ANKS6: variants seen among roughly 807,000 people sequenced by gnomAD.
ANKS6 encodes the protein ankyrin repeat and sterile alpha motif domain containing 6.
Under a neutral mutation model 77.9 loss-of-function variants are expected in ANKS6, and 47 were observed. That is an observed-to-expected ratio of 0.60 (90% CI 0.48 to 0.77). The LOEUF is 0.77. Ranked by LOEUF, ANKS6 falls within the 30% of genes least tolerant of loss-of-function variation. The pLI is 0.00. For synonymous variants in ANKS6, 488 were observed against 501.7 expected, an observed-to-expected ratio of 0.97 and a Z score of 0.37; for missense variants, 1,150 against 1,159.1, an observed-to-expected ratio of 0.99 and a Z score of 0.11.
intron 10 of ANKS6, among the ~76,000 whole-genome samples, chr9:98,769,028 G>A (rs1328423170): frequency 3.0e-5 from 4 of 131,900 alleles, no homozygotes; most frequent in African/African-American, 5.9e-5. Flanking sequence ...TTGGGAGGCT[G>A]AGGGAGGAGG....
rs141395265 is a variant in ANKS6 at position 98,785,960 on chromosome 9, T to C, written c.863-1084A>G. 3.1e-4 allele frequency among the ~76,000 whole-genome samples: 47 copies of C among 152,302 alleles called. No individual in the cohort carries two copies. In the East Asian group the frequency reaches 8.7e-3, roughly 28 times the overall value. On this transcript the variant is annotated intron_variant, in intron 2 of 14. Coordinates refer to ENST00000353234, the MANE Select transcript of ANKS6 (RefSeq NM_173551.5). The stretch of plus-strand genomic sequence containing the variant: ...CCATTCAAAGAGCAATTACTTTCTT[T>C]AGCAACCAGCAAGGTAAACCCCAGA...
At chr9:98,750,805 A>G (rs1832387912) in intron 13 of ANKS6, among the ~76,000 whole-genome samples, 2 of 152,198 alleles carry the variant, frequency 1.3e-5, no homozygotes, top group Admixed American at 6.5e-5. Context: ...TTCTAGAGAG[A>G]GCAGTGCTCA....
At chr9:98,783,438 G>A (rs975480381) in intron 4 of ANKS6, 3 of 152,268 alleles carry the variant, frequency 2.0e-5, no homozygotes, top group African/African-American at 7.2e-5. Flanking sequence ...AGGCCTCCAG[G>A]AGGATGACAG....
chr9:98,732,289 G>C lies in ANKS6; in HGVS notation c.*4230C>G. On this transcript the variant is annotated 3_prime_UTR_variant, in exon 15 of 15. Transcript: ENST00000353234. ...CCGGCCTGGCCCATGTCTTCAGGCA[G>C]CTCTGAGGCAAGAATAAAAGGGACG... 1 of 622,944 alleles carries C rather than the reference G, an allele frequency of 1.6e-6. No homozygotes were observed. Among genetic ancestry groups the C allele is most frequent in the Non-Finnish European group, 2.8e-6 (1 of 362,200 alleles). 38.6% of individuals were successfully genotyped at this position (622,944 alleles called of 1,614,324 possible).
chr9:98,786,390 C>G (rs1323689016), intron 2 of ANKS6, among the ~76,000 whole-genome samples: 1 of 151,502 alleles, frequency 6.6e-6, no homozygotes, highest in Non-Finnish European at 1.5e-5. Context: ...CTCCCGGGTT[C>G]AAGCGATTCT....
intron 13 of ANKS6, among the ~76,000 whole-genome samples, chr9:98,750,796 TCTAGAGAGA>T (rs1247353195): frequency 5.3e-5 from 8 of 152,260 alleles, no homozygotes; most frequent in South Asian, 2.1e-4. Flanking sequence ...AAGAAACTTT[TCTAGAGAGA>T]GCAGTGCTCA....
intron 11 of ANKS6, among the ~76,000 whole-genome samples, chr9:98,760,744 CTG>C (rs1832960991): frequency 6.6e-6 from 1 of 152,112 alleles, no homozygotes; most frequent in South Asian, 2.1e-4. Context: ...CTTTTTGATG[CTG>C]TGTTGTGTTC....
chr9:98,794,504 G>A (rs368458470), intron 1 of ANKS6, among the ~76,000 whole-genome samples: 3 of 152,150 alleles, frequency 2.0e-5, no homozygotes, highest in African/African-American at 7.2e-5. Context: ...TATGAATTAC[G>A]CAGCAGAAAG....
intron 2 of ANKS6, among the ~76,000 whole-genome samples, chr9:98,787,419 A>G (rs1386095939): frequency 6.8e-6 from 1 of 146,474 alleles, no homozygotes; most frequent in Non-Finnish European, 1.5e-5. Flanking sequence ...CTATCCTACT[A>G]TATATTTAAT....
chr9:98,758,029 A>T (rs1564191200), intron 11 of ANKS6, among the ~76,000 whole-genome samples: 2 of 152,336 alleles, frequency 1.3e-5, no homozygotes, highest in African/African-American at 4.8e-5. Flanking sequence ...TTAACTTTGC[A>T]TTCATTGGTG....
In ANKS6 at chr9:98,780,550, C is replaced by T. The variant is rs78235211; in HGVS notation, c.1220-213G>A. On this transcript the variant is annotated intron_variant, in intron 5 of 14. Coordinates refer to ENST00000353234, the MANE Select transcript of ANKS6 (RefSeq NM_173551.5). The stretch of plus-strand genomic sequence containing the variant: ...AACCTACTTAACCAGAAAGAAAAAC[C>T]GGAAGTCCTCTCTCATGAGGAAGGC... 0.028 allele frequency among the ~76,000 whole-genome samples: 4,256 copies of T among 152,310 alleles called. 108 individuals carry two copies. The highest frequency in any genetic ancestry group is 0.082 in the Admixed American group (1,256 of 15,300).
chr9:98,757,524 T>C (rs1464424226), intron 11 of ANKS6, among the ~76,000 whole-genome samples: 2 of 152,230 alleles, frequency 1.3e-5, no homozygotes, highest in East Asian at 3.8e-4. Flanking sequence ...ATTCAGTGCA[T>C]CGTTATGCAG....
intron 5 of ANKS6, among the ~76,000 whole-genome samples, 173 bp from the exon 6 acceptor site, chr9:98,780,510 A>G (rs1834183954): frequency 1.3e-5 from 2 of 152,216 alleles, no homozygotes. Context: ...GTGGCAAACA[A>G]AGCCAGCAGG....
intron 8 of ANKS6, 24 bp downstream of exon 8, chr9:98,777,381 C>A: frequency 6.2e-7 from 1 of 1,613,142 alleles, no homozygotes. Context: ...ACCTAAAATG[C>A]TTTTAGAAAA....
Position 98,774,023 on chromosome 9 carries a change from G to A in ANKS6, c.1675C>T (p.Pro559Ser). ...LPSDKLKAVI[P>S]PFLPPSSFEL... ...AAACTGGAAGGGGGTAGGAATGGGG[G>A]GATGACTGCTTTCAGCTTGTCACTC... The change falls in exon 9 of 15, where the codon CCC (proline) becomes TCC (serine). Residue 559 changes from proline (P) to serine (S), a missense_variant. By Grantham distance (74) the Pro-to-Ser change is moderately conservative. Coordinates refer to ENST00000353234, the MANE Select transcript of ANKS6 (RefSeq NM_173551.5). The A allele has an allele frequency of 1.2e-5, 18 of 1,562,770 alleles. No homozygotes were observed. The highest frequency in any genetic ancestry group is 1.5e-5 in the Non-Finnish European group (17 of 1,155,550).
At chr9:98,786,775 T>G (rs1026496134) in intron 2 of ANKS6, among the ~76,000 whole-genome samples, 18 of 152,226 alleles carry the variant, frequency 1.2e-4, no homozygotes, top group African/African-American at 4.3e-4. Flanking sequence ...CAAGACCTTT[T>G]CACAGAAAAG....
At chr9:98,747,954 C>T (rs1385952305) in intron 13 of ANKS6, among the ~76,000 whole-genome samples, 2 of 152,222 alleles carry the variant, frequency 1.3e-5, no homozygotes, top group Non-Finnish European at 2.9e-5. Context: ...ACCACAGGCT[C>T]TCTCAATGAG....
intron 6 of ANKS6, 128 bp from the exon 7 acceptor site, chr9:98,778,552 C>G: frequency 1.3e-6 from 1 of 797,424 alleles, no homozygotes; most frequent in Non-Finnish European, 2.0e-6. Context: ...GGGGCCCAGA[C>G]AGACATTACT....
chr9:98,787,369 G>GC (rs1285772031), intron 2 of ANKS6, among the ~76,000 whole-genome samples: 2 of 135,112 alleles, frequency 1.5e-5, no homozygotes, highest in East Asian at 4.4e-4. Context: ...TCTTTACACT[G>GC]CCCTTTTTTT....
Sources: gnomAD v4.1 joint callset for allele counts (sites outside exome capture counted in the v4.1 genomes callset) on GRCh38, gnomAD v4.1.1 for gene constraint, MANE v1.5 for transcripts, NCBI Gene and HGNC (gene_info 2026-07-23, HGNC 2026-07-21) for gene names.